Variants in DNAH14 observed in about 807,000 individuals in gnomAD.
DNAH14 encodes the protein axonemal beta dynein heavy chain 14.
In DNAH14, 478 loss-of-function variants were observed where a neutral mutation model predicts 520.9. The observed-to-expected ratio is 0.92, with a 90% confidence interval of 0.85 to 0.99. DNAH14 has a LOEUF of 0.99. Among genes scored for constraint, DNAH14 ranks in the 50% least tolerant of loss-of-function variants. The pLI is 0.00. For synonymous variants in DNAH14, 1,581 were observed against 1,757.2 expected (o/e 0.90, Z 2.51); for missense variants, 4,831 against 5,234.5 (o/e 0.92, Z 2.38).
rs1002232625 is a variant in DNAH14 at position 225,140,910 on chromosome 1, G to A, written c.4397G>A (p.Arg1466Gln). The A allele has an allele frequency of 5.4e-5, 84 of 1,551,240 alleles. No individual in the cohort carries two copies. In the East Asian group the frequency reaches 1.3e-3, roughly 24 times the overall value. Reference sequence around the variant, plus strand: ...GTAGTGCTGGATACTAGTAACTCTCGAACAAAAGCTATACTAGGGGCATTG... The same window carrying A: ...GTAGTGCTGGATACTAGTAACTCTCAAACAAAAGCTATACTAGGGGCATTG... Reference protein sequence around the residue: ...DLVVLDTSNSRTKAILGALLI... With the variant: ...DLVVLDTSNSQTKAILGALLI... Residue 1466 changes from arginine to glutamine, a missense_variant, in exon 28 of 86, where the codon CGA becomes CAA. Coordinates refer to ENST00000682510, the MANE Select transcript of DNAH14 (RefSeq NM_001367479.1).
chr1:225,140,843 C>T lies in DNAH14; in HGVS notation c.4330C>T (p.His1444Tyr). 1 of 1,550,992 alleles carries T rather than the reference C, an allele frequency of 6.4e-7. No individual in the cohort carries two copies. The highest frequency in any genetic ancestry group is 2.4e-5 in the East Asian group (1 of 40,884). ...SYSREKLEKVHAGLMCHLEEV... is the reference protein window; with the variant it reads ...SYSREKLEKVYAGLMCHLEEV... ...TTCAAGAGAAAAATTGGAAAAAGTCCACGCTGGTCTGATGTGTCATCTAGA... is the reference window on the plus strand; with the variant it reads ...TTCAAGAGAAAAATTGGAAAAAGTCTACGCTGGTCTGATGTGTCATCTAGA... The change falls in exon 28 of 86, where the codon CAC (histidine) becomes TAC (tyrosine). Residue 1444 changes from histidine to tyrosine, a missense_variant. Physicochemically the swap from His to Tyr is moderately conservative, Grantham distance 83. Transcript: ENST00000682510.
intron 78 of DNAH14, among the ~76,000 whole-genome samples, chr1:225,375,982 A>G (rs1409124516): frequency 6.6e-6 from 1 of 151,984 alleles, no homozygotes. Context: ...CAGCTACTCA[A>G]GAGGCTGAGG....
At chr1:225,162,379 C>A (rs1013361547) in intron 35 of DNAH14, among the ~76,000 whole-genome samples, 3 of 152,078 alleles carry the variant, frequency 2.0e-5, no homozygotes, top group Admixed American at 6.6e-5. Flanking sequence ...ATTTTCTGGT[C>A]TTTTCCATTG....
At chr1:225,181,039 T>C (rs528520776) in intron 36 of DNAH14, among the ~76,000 whole-genome samples, 10 of 152,334 alleles carry the variant, frequency 6.6e-5, no homozygotes, top group Non-Finnish European at 1.0e-4. Flanking sequence ...CCATGTGTAC[T>C]TAAGATTTAC....
At chr1:225,308,717 A>G (rs2094298526) in intron 60 of DNAH14, among the ~76,000 whole-genome samples, 1 of 152,252 alleles carries the variant, frequency 6.6e-6, no homozygotes. Context: ...GGCCTTCAAG[A>G]GTAACATCTG....
intron 36 of DNAH14, among the ~76,000 whole-genome samples, chr1:225,183,972 ACAGT>A (rs1463282866): frequency 6.6e-6 from 1 of 152,158 alleles, no homozygotes; most frequent in South Asian, 2.1e-4. Context: ...AGAAAGATTC[ACAGT>A]CAAATTCTAC....
In DNAH14 at chr1:225,153,761, T is replaced by C; in HGVS notation, c.5208T>C (p.Asn1736=). The C allele has an allele frequency of 1.3e-6, 2 of 1,546,546 alleles. No homozygotes were observed. The highest frequency in any genetic ancestry group is 1.2e-5 in the South Asian group (1 of 83,222). Reference sequence around the variant, plus strand: ...TTAATGTTTGATAGGATCATTATAATTTTGGCTTGAGATCTCTGAAGATAG... The same window carrying C: ...TTAATGTTTGATAGGATCATTATAACTTTGGCTTGAGATCTCTGAAGATAG... ...RKQLSQQDHY[N]FGLRSLKIVL... The change falls in exon 34 of 86, where the codon AAT becomes AAC. Residue 1736 remains asparagine (N), a synonymous_variant. Transcript: ENST00000682510.
intron 10 of DNAH14, among the ~76,000 whole-genome samples, chr1:225,022,280 A>G (rs1323112016): frequency 6.6e-6 from 1 of 152,188 alleles, no homozygotes; most frequent in East Asian, 1.9e-4. Flanking sequence ...GGGCTTCTGC[A>G]TGGCAAGCAA....
Position 225,197,113 on chromosome 1 carries a change from C to T in DNAH14, c.5886+4202C>T, listed in dbSNP as rs541174700. Among the ~76,000 whole-genome samples the T allele has an allele frequency of 1.3e-3, 196 of 152,138 alleles. 1 individual carries two copies. The highest frequency in any genetic ancestry group is 6.1e-3 in the Admixed American group (93 of 15,276). On this transcript the variant is annotated intron_variant, in intron 38 of 85. Coordinates refer to ENST00000682510, the MANE Select transcript of DNAH14 (RefSeq NM_001367479.1). ...TGGGTTCTTGGTCATGAAATCCTTG[C>T]CTAAGCCAATGTCTAGAAGGGTTTT...
intron 41 of DNAH14, among the ~76,000 whole-genome samples, chr1:225,210,810 G>A (rs2088281586): frequency 6.6e-6 from 1 of 152,144 alleles, no homozygotes; most frequent in Non-Finnish European, 1.5e-5. Flanking sequence ...GAAGGAGCAG[G>A]CAGCAATCTT....
intron 8 of DNAH14, among the ~76,000 whole-genome samples, chr1:224,986,531 G>A (rs958107191): frequency 3.4e-5 from 5 of 146,812 alleles, no homozygotes; most frequent in Non-Finnish European, 5.9e-5. Flanking sequence ...GATATGCAAA[G>A]CAATCAATGT....
rs1312005549 is a variant in DNAH14 at position 225,167,983 on chromosome 1, G to A, written c.5490G>A (p.Trp1830Ter). The A allele has an allele frequency of 3.2e-6, 5 of 1,539,166 alleles. No individual in the cohort carries two copies. The highest frequency in any genetic ancestry group is 4.1e-5 in the Admixed American group (2 of 48,932). Reference sequence around the variant, plus strand: ...CTCAGCAATTGGGTTTACAAAACTGGTCATCTCAGAAAGAGAAGATTATAC... The same window carrying A: ...CTCAGCAATTGGGTTTACAAAACTGATCATCTCAGAAAGAGAAGATTATAC... Reference protein sequence around the residue: ...TATQQLGLQNWSSQKEKIIQF... With the variant: ...TATQQLGLQN Residue 1830 changes from tryptophan to a stop codon, truncating the protein, a stop_gained, in exon 36 of 86, where the codon TGG (tryptophan) becomes TGA (stop). Transcript: ENST00000682510. LOFTEE classifies it high-confidence loss of function.
intron 34 of DNAH14, among the ~76,000 whole-genome samples, chr1:225,155,405 TTAAAAA>T (rs2080928643): frequency 6.6e-6 from 1 of 151,952 alleles, no homozygotes; most frequent in Non-Finnish European, 1.5e-5. Context: ...TATTTATTTC[TTAAAAA>T]TAAAAGAACT....
intron 41 of DNAH14, among the ~76,000 whole-genome samples, chr1:225,210,859 C>T (rs895334477): frequency 1.3e-5 from 2 of 152,222 alleles, no homozygotes; most frequent in African/African-American, 2.4e-5. Flanking sequence ...CCCAGGCAAA[C>T]AGGATCTGGA....
intron 8 of DNAH14, among the ~76,000 whole-genome samples, chr1:224,980,005 C>T (rs907737783): frequency 9.9e-5 from 15 of 152,198 alleles, no homozygotes; most frequent in Admixed American, 4.6e-4. Context: ...AGGTAGTACA[C>T]TATGGCCTTG....
At chr1:224,936,985 A>G (rs2059085161) in intron 1 of DNAH14, among the ~76,000 whole-genome samples, 1 of 152,082 alleles carries the variant, frequency 6.6e-6, no homozygotes, top group Admixed American at 6.5e-5. Flanking sequence ...TTATTTGATT[A>G]GTTATCAAAA....
chr1:224,980,033 C>G (rs775131113), intron 8 of DNAH14, among the ~76,000 whole-genome samples: 15 of 152,168 alleles, frequency 9.9e-5, no homozygotes, highest in Non-Finnish European at 1.9e-4. Flanking sequence ...CTCAAACATG[C>G]TGGCTTCAGG....
chr1:225,238,510 G>A (rs2091754115), intron 42 of DNAH14, among the ~76,000 whole-genome samples: 1 of 152,104 alleles, frequency 6.6e-6, no homozygotes, highest in Non-Finnish European at 1.5e-5. Context: ...TGTCCCAAGG[G>A]GATACTGACC....
intron 42 of DNAH14, among the ~76,000 whole-genome samples, chr1:225,236,817 C>G (rs767428295): frequency 3.3e-5 from 5 of 152,204 alleles, no homozygotes; most frequent in Non-Finnish European, 7.4e-5. Flanking sequence ...GAAGGTTTTT[C>G]CATTTGTTTG....
Sources: allele counts gnomAD v4.1 joint callset (sites outside exome capture counted in the v4.1 genomes callset), GRCh38; gene constraint gnomAD v4.1.1; transcripts MANE v1.5; gene names NCBI Gene and HGNC (gene_info 2026-07-23, HGNC 2026-07-21).